NOL4: variants seen among roughly 807,000 people sequenced by gnomAD.
NOL4 encodes the protein nucleolar protein 4.
Under a neutral mutation model 75.9 loss-of-function variants are expected in NOL4, and 17 were observed. The observed-to-expected ratio is 0.22, with a 90% CI of 0.15 to 0.34. The LOEUF (loss-of-function observed/expected upper bound fraction) is 0.34, where lower values mean the gene tolerates loss of function less well. Ranked by LOEUF, NOL4 falls within the 10% of genes least tolerant of loss-of-function variation. NOL4 has a pLI of 1.00. For synonymous variants in NOL4, 292 were observed against 289.9 expected (o/e 1.01, Z -0.07); for missense variants, 614 against 793.5 (o/e 0.77, Z 2.72).
chr18:34,061,574 C>T (rs1055237033), intron 5 of NOL4, among the ~76,000 whole-genome samples: 1 of 152,102 alleles, frequency 6.6e-6, no homozygotes, highest in African/African-American at 2.4e-5. Context: ...ACATATACAA[C>T]ATAGCTTGAA....
intron 1 of NOL4, among the ~76,000 whole-genome samples, chr18:34,174,521 A>AT (rs893559344): frequency 7.9e-5 from 12 of 151,692 alleles, no homozygotes; most frequent in South Asian, 4.2e-4. Flanking sequence ...AATGGTCCAC[A>AT]TTTTTTTTCC....
At chr18:33,980,385 A>C (rs1021165880) in intron 6 of NOL4, among the ~76,000 whole-genome samples, 1 of 152,082 alleles carries the variant, frequency 6.6e-6, no homozygotes, top group African/African-American at 2.4e-5. Context: ...TTAACAGTGA[A>C]TATCAGATAA....
At chr18:33,934,863 T>C (rs945886933) in intron 9 of NOL4, among the ~76,000 whole-genome samples, 26 of 109,740 alleles carry the variant, frequency 2.4e-4, no homozygotes, top group African/African-American at 1.2e-3. Flanking sequence ...GAGTAGCACG[T>C]TTTTTTTTTT....
At chr18:33,949,055 A>G (rs917950460) in intron 8 of NOL4, among the ~76,000 whole-genome samples, 2 of 152,076 alleles carry the variant, frequency 1.3e-5, no homozygotes, top group African/African-American at 4.8e-5. Context: ...GTGAATATGC[A>G]TATGTTTTGC....
intron 1 of NOL4, among the ~76,000 whole-genome samples, chr18:34,172,718 T>G (rs1003017666): frequency 1.3e-5 from 2 of 152,126 alleles, no homozygotes; most frequent in Admixed American, 1.3e-4. Flanking sequence ...TTAACAGGTA[T>G]GAGGTGATAT....
chr18:33,861,118 G>A (rs970031973), intron 10 of NOL4, among the ~76,000 whole-genome samples: 140 of 152,216 alleles, frequency 9.2e-4, no homozygotes, highest in Admixed American at 1.1e-3. Context: ...GTCTCTGCCC[G>A]GCTTTGGTAT....
At chr18:33,870,173 A>G (rs562890099) in intron 10 of NOL4, among the ~76,000 whole-genome samples, 16 of 152,186 alleles carry the variant, frequency 1.1e-4, no homozygotes, top group African/African-American at 3.9e-4. Flanking sequence ...TTTTGTAGTG[A>G]GAACATTTTA....
intron 6 of NOL4, among the ~76,000 whole-genome samples, chr18:33,970,667 G>A (rs1220377354): frequency 6.6e-6 from 1 of 151,928 alleles, no homozygotes; most frequent in African/African-American, 2.4e-5. Context: ...TATACAGAAT[G>A]TTAGATAAAT....
intron 1 of NOL4, among the ~76,000 whole-genome samples, chr18:34,211,135 G>A (rs1264789980): frequency 1.3e-5 from 2 of 150,320 alleles, no homozygotes; most frequent in Admixed American, 1.3e-4. Flanking sequence ...AAGGAAGGAA[G>A]GAAGGAAAAG....
intron 1 of NOL4, chr18:34,222,306 C>T: frequency 7.9e-7 from 1 of 1,271,274 alleles, no homozygotes; most frequent in South Asian, 2.2e-5. Context: ...CTTCTAGCTG[C>T]GGCTTTATTT....
In NOL4 at chr18:33,885,675, T is replaced by C. The variant is rs542937873; in HGVS notation, c.1543-2251A>G. Among the ~76,000 whole-genome samples the C allele has an allele frequency of 1.7e-4, 26 of 152,262 alleles. No individual in the cohort carries two copies. In the South Asian group the frequency reaches 5.0e-3, roughly 29 times the overall value. On this transcript the variant is annotated intron_variant, in intron 9 of 10. Transcript: ENST00000261592. ...TATCAAAAAGACAGGAAATAATCAA[T>C]GCTGGTGAGGGTGTGGGGAAAAGGG...
intron 10 of NOL4, among the ~76,000 whole-genome samples, chr18:33,860,730 T>G (rs937966670): frequency 1.3e-5 from 2 of 151,990 alleles, no homozygotes; most frequent in African/African-American, 2.4e-5. Flanking sequence ...AAGGGAATGC[T>G]TCCAGTTTTT....
intron 1 of NOL4, among the ~76,000 whole-genome samples, chr18:34,149,623 T>C (rs2081559713): frequency 6.6e-6 from 1 of 151,664 alleles, no homozygotes; most frequent in Non-Finnish European, 1.5e-5. Context: ...ATACCCTATG[T>C]TTTTATTGAT....
intron 5 of NOL4, among the ~76,000 whole-genome samples, chr18:34,030,070 TC>T (rs2075558849): frequency 6.6e-6 from 1 of 152,208 alleles, no homozygotes; most frequent in African/African-American, 2.4e-5. Context: ...AACTGTTTCT[TC>T]ATTTATATAA....
chr18:34,079,188 GT>G (rs2077882949), intron 5 of NOL4, among the ~76,000 whole-genome samples: 1 of 152,110 alleles, frequency 6.6e-6, no homozygotes, highest in Admixed American at 6.5e-5. Context: ...GGCTTTGGAA[GT>G]GTGGGTTGGC....
intron 5 of NOL4, among the ~76,000 whole-genome samples, chr18:34,072,447 A>G (rs1034027415): frequency 5.3e-5 from 8 of 152,216 alleles, no homozygotes; most frequent in African/African-American, 1.2e-4. Flanking sequence ...TTCAGTATAC[A>G]TGAAGCAAAA....
Position 33,851,464 on chromosome 18 carries a change from T to C in NOL4, c.*1378A>G, listed in dbSNP as rs2062632918. 6.6e-6 allele frequency: 1 copy of C among 152,454 alleles called. No homozygotes were observed. The highest frequency in any genetic ancestry group is 2.4e-5 in the African/African-American group (1 of 41,410). 9.4% of individuals were successfully genotyped at this position (152,454 alleles called of 1,614,324 possible). A position where few individuals can be genotyped will look rare whatever the true frequency, so the allele number is the denominator to read the frequency against. On this transcript the variant is annotated 3_prime_UTR_variant, in exon 11 of 11. Transcript: ENST00000261592. ...ATATGTAACAAGTAGATAAGAAATATCACTGATGCCTCAAACTCATTGTCA... is the reference window on the plus strand; with the variant it reads ...ATATGTAACAAGTAGATAAGAAATACCACTGATGCCTCAAACTCATTGTCA...
chr18:33,931,639 C>A (rs2067699294), intron 9 of NOL4, among the ~76,000 whole-genome samples: 1 of 151,802 alleles, frequency 6.6e-6, no homozygotes, highest in Admixed American at 6.6e-5. Context: ...GCGGCTGATT[C>A]AGGAGGATTG....
chr18:34,141,037 T>C (rs1172388059), intron 1 of NOL4, among the ~76,000 whole-genome samples: 2 of 152,162 alleles, frequency 1.3e-5, no homozygotes, highest in African/African-American at 2.4e-5. Context: ...TATACACCAA[T>C]AATAGACAAA....
Sources: gnomAD v4.1 joint callset for allele counts (sites outside exome capture counted in the v4.1 genomes callset) on GRCh38, gnomAD v4.1.1 for gene constraint, MANE v1.5 for transcripts, NCBI Gene and HGNC (gene_info 2026-07-23, HGNC 2026-07-21) for gene names.